MCM10: variants seen among roughly 807,000 people sequenced by gnomAD.
The protein encoded by MCM10 is minichromosome maintenance 10 replication initiation factor, also known as protein MCM10 homolog.
MCM10 carries 91 observed loss-of-function variants against 109.9 expected under a neutral mutation model. The ratio of observed to expected loss-of-function variants is 0.83; its 90% CI spans 0.70 to 0.99. MCM10 has a LOEUF of 0.99. MCM10 is among the 50% of genes least tolerant of loss of function. MCM10 has a pLI of 0.00. For missense variants in MCM10, 1,077 were observed against 1,061.2 expected (o/e 1.01, Z -0.21); for synonymous variants, 380 against 387.2 (o/e 0.98, Z 0.22).
intron 18 of MCM10, among the ~76,000 whole-genome samples, chr10:13,208,680 AC>A (rs1474530433): frequency 6.6e-5 from 10 of 152,132 alleles, no homozygotes; most frequent in Admixed American, 6.6e-5. Context: ...TCTTAGCTCA[AC>A]CTTTTTGCTC....
chr10:13,206,483 G>A (rs1448995676), intron 18 of MCM10, among the ~76,000 whole-genome samples: 3 of 152,088 alleles, frequency 2.0e-5, no homozygotes, highest in Admixed American at 2.0e-4. Flanking sequence ...GATTCTCCAG[G>A]GTCGATCCAG....
chr10:13,173,676 C>T (rs1361392830), intron 5 of MCM10, among the ~76,000 whole-genome samples: 2 of 152,176 alleles, frequency 1.3e-5, no homozygotes, highest in African/African-American at 2.4e-5. Flanking sequence ...GAACTACTTC[C>T]GCCTGAGTGT....
intron 2 of MCM10, among the ~76,000 whole-genome samples, chr10:13,166,652 ACATAC>A (rs1564379534): frequency 0.062 from 5,603 of 90,144 alleles, 241 homozygotes; most frequent in Admixed American, 0.094. Context: ...AAAAAAAAAT[ACATAC>A]ATACATATAT....
chr10:13,179,894 C>T (rs77347024), intron 6 of MCM10, among the ~76,000 whole-genome samples: 1,672 of 152,220 alleles, frequency 0.011, 21 homozygotes, highest in Non-Finnish European at 0.017. Context: ...AAAGGATTTG[C>T]GATCTTTCTT....
At chr10:13,184,327 G>T (rs1834247640) in intron 8 of MCM10, among the ~76,000 whole-genome samples, 1 of 152,162 alleles carries the variant, frequency 6.6e-6, no homozygotes, top group Admixed American at 6.5e-5. Context: ...GTGGCATCAA[G>T]AAAGCAGTGT....
Position 13,180,449 on chromosome 10 carries a change from C to T in MCM10, c.772C>T (p.Arg258Ter), listed in dbSNP as rs751675331. Residue 258 changes from arginine (R) to a stop codon, truncating the protein, a stop_gained, in exon 7 of 20, where the codon CGA becomes TGA. Transcript: ENST00000378714. LOFTEE classifies it high-confidence loss of function. Reference sequence around the variant, plus strand: ...GCTGGTTTCTTAACCCAGGCGGCCTCGAGTATCCTCCACAGAAATGAACAA... The same window carrying T: ...GCTGGTTTCTTAACCCAGGCGGCCTTGAGTATCCTCCACAGAAATGAACAA... ...AFSGLRLRRP[R>*]VSSTEMNKKM... 10 of 1,609,944 alleles carry T rather than the reference C, an allele frequency of 6.2e-6. No individual in the cohort carries two copies. The highest frequency in any genetic ancestry group is 5.5e-5 in the South Asian group (5 of 90,638).
intron 9 of MCM10, among the ~76,000 whole-genome samples, chr10:13,187,816 C>T (rs538310509): frequency 3.3e-5 from 5 of 152,092 alleles, no homozygotes; most frequent in African/African-American, 1.2e-4. Context: ...GAGTGAAGTA[C>T]CCAACAGATC....
intron 2 of MCM10, among the ~76,000 whole-genome samples, chr10:13,169,848 G>A (rs990186637): frequency 6.6e-6 from 1 of 152,186 alleles, no homozygotes; most frequent in Admixed American, 6.5e-5. Context: ...TGGGATTACA[G>A]GCACGGGCCA....
intron 10 of MCM10, among the ~76,000 whole-genome samples, 154 bp downstream of exon 10, chr10:13,189,234 T>C (rs1282172308): frequency 1.3e-5 from 2 of 152,224 alleles, no homozygotes; most frequent in Non-Finnish European, 2.9e-5. Flanking sequence ...AGACCGCTTT[T>C]ATTCCCAGGT....
At position 13,192,515 on chromosome 10, in the gene MCM10, G is replaced by A; in HGVS notation, c.1692G>A (p.Gln564=). The A allele has an allele frequency of 1.2e-6, 2 of 1,614,196 alleles. No homozygotes were observed. Among genetic ancestry groups the A allele is most frequent in the Non-Finnish European group, 1.7e-6 (2 of 1,180,040 alleles). Residue 564 remains glutamine, a synonymous_variant, in exon 13 of 20, where the codon CAG becomes CAA. Transcript: ENST00000378714. ...CGGCCTCAGCACTCTTGAAGCAACA[G>A]AAGCAGCGGATGTTGGAGATGAGGA... is the stretch of plus-strand genomic sequence containing the variant. ...SISASALLKQ[Q]KQRMLEMRRR...
At position 13,192,240 on chromosome 10, in the gene MCM10, GT is replaced by G. The variant is rs751376167; in HGVS notation, c.1517-13del. Reference sequence around the variant, plus strand: ...TGAATGTGAATCCTCTAAAGCTGGTGTTGACCTGGCACAGGAATACCCCAGA... The same window carrying G: ...TGAATGTGAATCCTCTAAAGCTGGTGTGACCTGGCACAGGAATACCCCAGA... On this transcript the variant is annotated splice_polypyrimidine_tract_variant and intron_variant, in intron 11 of 19. Coordinates refer to ENST00000378714, the MANE Select transcript of MCM10 (RefSeq NM_018518.5). 10 of 1,572,740 alleles carry G rather than the reference GT, an allele frequency of 6.4e-6. No individual in the cohort carries two copies. In the African/African-American group the frequency reaches 1.3e-4, roughly 21 times the overall value.
Position 13,175,598 on chromosome 10 carries a change from A to G in MCM10, c.681A>G (p.Arg227=), listed in dbSNP as rs138161730. 27 of 1,612,948 alleles carry G rather than the reference A, an allele frequency of 1.7e-5. No individual in the cohort carries two copies. The African/African-American group carries it at 2.0e-4, about 12-fold the overall frequency. The change falls in exon 6 of 20, where the codon AGA becomes AGG. Residue 227 remains arginine, a synonymous_variant. Coordinates refer to ENST00000378714, the MANE Select transcript of MCM10 (RefSeq NM_018518.5). ...GGAACAAACCTAGTGGGATAACTAGAGGTCAAATTGTGGGGACCCCAGGAA... is the reference window on the plus strand; with the variant it reads ...GGAACAAACCTAGTGGGATAACTAGGGGTCAAATTGTGGGGACCCCAGGAA... ...ISRNKPSGIT[R]GQIVGTPGSS...
intron 16 of MCM10, among the ~76,000 whole-genome samples, chr10:13,199,623 A>G (rs1450336528): frequency 6.6e-6 from 1 of 152,234 alleles, no homozygotes; most frequent in African/African-American, 2.4e-5. Flanking sequence ...TTCGAAAAAA[A>G]TCAATAAATA....
chr10:13,200,188 T>A (rs1834478871), intron 16 of MCM10, among the ~76,000 whole-genome samples: 1 of 152,066 alleles, frequency 6.6e-6, no homozygotes, highest in African/African-American at 2.4e-5. Flanking sequence ...TCAACATAGG[T>A]TAAAACCATG....
At chr10:13,195,466 A>C (rs137951572) in intron 14 of MCM10, 197 bp downstream of exon 14, 5 of 505,024 alleles carry the variant, frequency 9.9e-6, no homozygotes, top group Non-Finnish European at 1.7e-5. Context: ...AGGCTACAAG[A>C]GGTAGCCTAG....
chr10:13,200,880 C>T (rs756411010), intron 16 of MCM10, among the ~76,000 whole-genome samples: 68 of 152,236 alleles, frequency 4.5e-4, no homozygotes, highest in Non-Finnish European at 9.4e-4. Context: ...TGCGGTGGCT[C>T]ATGCCTGTAA....
intron 9 of MCM10, among the ~76,000 whole-genome samples, chr10:13,188,366 C>A (rs1834302051): frequency 6.6e-6 from 1 of 152,100 alleles, no homozygotes; most frequent in African/African-American, 2.4e-5. Context: ...ATATATAATT[C>A]AGTGATATTT....
chr10:13,200,032 C>G (rs186432409), intron 16 of MCM10, among the ~76,000 whole-genome samples: 11 of 152,002 alleles, frequency 7.2e-5, no homozygotes, highest in African/African-American at 2.4e-4. Flanking sequence ...TGTCCCCCAT[C>G]AGGGCTCACT....
At chr10:13,162,696 C>T (rs553812677) in intron 1 of MCM10, among the ~76,000 whole-genome samples, 106 of 152,256 alleles carry the variant, frequency 7.0e-4, no homozygotes, top group African/African-American at 2.6e-3. Context: ...TTGCTCCTAA[C>T]GCTCAGGAAG....
Sources: allele counts gnomAD v4.1 joint callset (sites outside exome capture counted in the v4.1 genomes callset), GRCh38; gene constraint gnomAD v4.1.1; transcripts MANE v1.5; gene names NCBI Gene and HGNC (gene_info 2026-07-23, HGNC 2026-07-21).